Variants in CRBN observed in about 807,000 individuals in gnomAD.
CRBN encodes protein cereblon.
CRBN carries 53 observed loss-of-function variants against 62.2 expected under a neutral mutation model. The observed-to-expected ratio is 0.85, with a 90% CI of 0.68 to 1.07. The LOEUF is 1.07. Ranked by LOEUF, CRBN falls within the 50% of genes least tolerant of loss-of-function variation. CRBN has a pLI of 0.00. For synonymous variants in CRBN, 208 were observed against 176.1 expected, an observed-to-expected ratio of 1.18 and a Z score of -1.43; for missense variants, 616 against 531.1, an observed-to-expected ratio of 1.16 and a Z score of -1.57.
Position 3,174,139 on chromosome 3 carries a change from A to C in CRBN, c.297T>G (p.Leu99=). 5 of 1,614,166 alleles carry C rather than the reference A, an allele frequency of 3.1e-6. No individual in the cohort carries two copies. The highest frequency in any genetic ancestry group is 4.2e-6 in the Non-Finnish European group (5 of 1,180,008). ...MILIPGQTLP[L]QLFHPQEVSM... ...TGACTTCTTGAGGGTGAAAAAGCTG[A>C]AGAGGTAATGTCTGTCCGGGAATCA... The change falls in exon 3 of 11, where the codon CTT becomes CTG. Residue 99 remains leucine (L), a synonymous_variant. Transcript: ENST00000231948.
intron 2 of CRBN, 126 bp downstream of exon 2, chr3:3,175,037 T>TGAGGACTAC: frequency 1.5e-6 from 1 of 663,622 alleles, no homozygotes; most frequent in Non-Finnish European, 2.7e-6. Context: ...TACTGGCAAA[T>TGAGGACTAC]AGCCCATGTC....
intron 9 of CRBN, 49 bp from the exon 10 acceptor site, chr3:3,152,636 T>C (rs1466032514): frequency 6.2e-7 from 1 of 1,608,630 alleles, no homozygotes; most frequent in Admixed American, 1.7e-5. Context: ...AGAAGTCTAA[T>C]TTTATTAAAT....
At chr3:3,173,809 T>A (rs1249379617) in intron 3 of CRBN, 2 of 514,942 alleles carry the variant, frequency 3.9e-6, no homozygotes, top group African/African-American at 3.8e-5. Context: ...ATATAAATGA[T>A]TAAAAATTTT....
In CRBN at chr3:3,174,192, G is replaced by C. The variant is rs1444481708; in HGVS notation, c.244C>G (p.Pro82Ala). The change falls in exon 3 of 11, where the codon CCA (proline) becomes GCA (alanine). Residue 82 changes from proline (P) to alanine (A), a missense_variant. Pro to Ala is a conservative substitution (Grantham distance 27). Coordinates refer to ENST00000231948, the MANE Select transcript of CRBN (RefSeq NM_016302.4). ...ATCATCATCACTTGTGGAAGAACTGGAATCACCTGACAGCTGTCGTCATCG... is the reference window on the plus strand; with the variant it reads ...ATCATCATCACTTGTGGAAGAACTGCAATCACCTGACAGCTGTCGTCATCG... ...LHDDDSCQVI[P>A]VLPQVMMILI... 1.2e-6 allele frequency: 2 copies of C among 1,614,136 alleles called. No homozygotes were observed. The highest frequency in any genetic ancestry group is 1.7e-6 in the Non-Finnish European group (2 of 1,180,006).
chr3:3,161,509 G>A (rs996697030), intron 5 of CRBN, among the ~76,000 whole-genome samples: 4 of 151,992 alleles, frequency 2.6e-5, no homozygotes, highest in Admixed American at 2.0e-4. Flanking sequence ...CTGCCTCAGC[G>A]TCCCAAGTAG....
chr3:3,167,623 T>C lies in CRBN; in HGVS notation c.687+11A>G, dbSNP rs1403910200. 1 of 1,611,480 alleles carries C rather than the reference T, an allele frequency of 6.2e-7. No homozygotes were observed. Among genetic ancestry groups the C allele is most frequent in the Admixed American group, 1.7e-5 (1 of 59,870 alleles). ...CATTTTTTGAAGATGCATAAAAAAT[T>C]AGTTTCTCACCTTCTGGTATTTCTG... is the stretch of plus-strand genomic sequence containing the variant. On this transcript the variant is annotated intron_variant, in intron 5 of 10. Coordinates refer to ENST00000231948, the MANE Select transcript of CRBN (RefSeq NM_016302.4).
In CRBN at chr3:3,160,989, A is replaced by C. The variant is rs531004082; in HGVS notation, c.688-4708T>G. Among the ~76,000 whole-genome samples the C allele has an allele frequency of 6.6e-5, 10 of 152,360 alleles. 1 individual carries two copies. In the South Asian group the frequency reaches 2.1e-3, roughly 32 times the overall value. On this transcript the variant is annotated intron_variant, in intron 5 of 10. Transcript: ENST00000231948. ...TCAGGATCAACTGCACAAGGATCAG[A>C]GCTTTCCACGGAAAAGTAATGAAAC...
chr3:3,152,165 T>A (rs756345712), intron 10 of CRBN, among the ~76,000 whole-genome samples: 2,245 of 151,194 alleles, frequency 0.015, 18 homozygotes, highest in Non-Finnish European at 0.022. Flanking sequence ...TTTTTTTTTT[T>A]AAATAGACAG....
At chr3:3,160,824 GAAGAA>G (rs947712236) in intron 5 of CRBN, among the ~76,000 whole-genome samples, 5 of 152,276 alleles carry the variant, frequency 3.3e-5, no homozygotes, top group Admixed American at 6.5e-5. Context: ...GACCAAAAGA[GAAGAA>G]AAGTAAAATA....
chr3:3,175,012 A>C, intron 2 of CRBN, 151 bp downstream of exon 2: 1 of 611,028 alleles, frequency 1.6e-6, no homozygotes, highest in Non-Finnish European at 2.9e-6. Flanking sequence ...TAAAAATTAC[A>C]GTTAAATGTT....
chr3:3,161,284 A>G (rs138123878), intron 5 of CRBN, among the ~76,000 whole-genome samples: 1 of 152,316 alleles, frequency 6.6e-6, no homozygotes, highest in East Asian at 1.9e-4. Context: ...CACTTTACAG[A>G]AAGGAAACAC....
chr3:3,173,531 C>T (rs932219460), intron 3 of CRBN, among the ~76,000 whole-genome samples: 1 of 152,184 alleles, frequency 6.6e-6, no homozygotes, highest in African/African-American at 2.4e-5. Context: ...AATGACTTAT[C>T]ATTTCTGCTG....
intron 1 of CRBN, 39 bp downstream of exon 1, chr3:3,179,582 C>T (rs1309328986): frequency 1.9e-6 from 3 of 1,598,550 alleles, no homozygotes; most frequent in Non-Finnish European, 2.6e-6. Flanking sequence ...CCGAGCCTCG[C>T]CCCACTCCCG....
intron 2 of CRBN, 104 bp downstream of exon 2, chr3:3,175,059 T>C (rs1707776241): frequency 8.3e-6 from 5 of 602,782 alleles, no homozygotes; most frequent in Non-Finnish European, 1.5e-5. Flanking sequence ...TCATCCACAA[T>C]TTCTGATATC....
rs908451988 is a variant in CRBN at position 3,179,671 on chromosome 3, T to C, written c.17A>G (p.Asp6Gly). ...CATGTTGTGCGCAGCGTCCTGCTGA[T>C]CTCCTTCGCCGGCCATGTCTGTTTA... MAGEG[D>G]QQDAAHNMGN... Residue 6 changes from aspartate (D) to glycine (G), a missense_variant, in exon 1 of 11, where the codon GAT becomes GGT. Transcript: ENST00000231948. 4.3e-6 allele frequency: 7 copies of C among 1,612,884 alleles called. No individual in the cohort carries two copies. The African/African-American group carries it at 8.0e-5, about 18-fold the overall frequency.
chr3:3,167,556 T>C (rs1465219800), intron 5 of CRBN, 78 bp downstream of exon 5: 10 of 1,380,630 alleles, frequency 7.2e-6, no homozygotes, highest in South Asian at 1.2e-5. Context: ...ATCATGAAAG[T>C]TGTGTTTCTT....
intron 5 of CRBN, among the ~76,000 whole-genome samples, chr3:3,162,540 GCTTC>G (rs570301467): frequency 3.3e-5 from 5 of 152,136 alleles, no homozygotes; most frequent in Non-Finnish European, 5.9e-5. Flanking sequence ...CTTCTCTAAT[GCTTC>G]CTTGTCAGAA....
chr3:3,150,752 T>C lies in CRBN; in HGVS notation c.*113A>G. On this transcript the variant is annotated 3_prime_UTR_variant, in exon 11 of 11. Transcript: ENST00000231948. ...GCAACCCTCCAAGTAATGTTATGTT[T>C]ACTTAGGTATTAATGTTATGTTTAC... 9.8e-7 allele frequency: 1 copy of C among 1,019,840 alleles called. No homozygotes were observed. Among genetic ancestry groups the C allele is most frequent in the South Asian group, 1.5e-5 (1 of 66,254 alleles). 63.2% of individuals were successfully genotyped at this position (1,019,840 alleles called of 1,614,324 possible).
At chr3:3,155,550 A>G (rs1368113689) in intron 6 of CRBN, 1 of 153,018 alleles carries the variant, frequency 6.5e-6, no homozygotes, top group Admixed American at 6.5e-5. Context: ...CTGATCTGAA[A>G]TCCAGATTCT....
Sources: allele counts gnomAD v4.1 joint callset (sites outside exome capture counted in the v4.1 genomes callset), GRCh38; gene constraint gnomAD v4.1.1; transcripts MANE v1.5; gene names NCBI Gene and HGNC (gene_info 2026-07-23, HGNC 2026-07-21).